The following PSMA2 variants were observed in gnomAD, a reference collection of about 807,000 sequenced individuals.
The protein encoded by PSMA2 is proteasome subunit alpha type-2.
A neutral mutation model predicts 35.9 loss-of-function variants in PSMA2; 2 were observed. That is an observed-to-expected ratio of 0.06 (90% CI 0.02 to 0.18). The LOEUF (loss-of-function observed/expected upper bound fraction) is 0.18. PSMA2 is among the 10% of genes least tolerant of loss of function. PSMA2 has a pLI of 1.00. For missense variants in PSMA2, 126 were observed against 278.8 expected (o/e 0.45, Z 3.90); for synonymous variants, 97 against 98.2 (o/e 0.99, Z 0.07).
chr7:42,920,528 T>C (rs1029323642), intron 6 of PSMA2: 2 of 152,350 alleles, frequency 1.3e-5, no homozygotes, highest in African/African-American at 4.8e-5. Context: ...TGGTTTAATT[T>C]CTTTCATTGT....
intron 1 of PSMA2, among the ~76,000 whole-genome samples, chr7:42,930,233 ACACAC>A (rs1226201396): frequency 6.7e-6 from 1 of 149,000 alleles, no homozygotes; most frequent in African/African-American, 2.5e-5. Flanking sequence ...ACGCACACAC[ACACAC>A]ACACACACAC....
chr7:42,930,154 C>T (rs952983626), intron 1 of PSMA2, among the ~76,000 whole-genome samples: 2 of 151,948 alleles, frequency 1.3e-5, no homozygotes, highest in Admixed American at 1.3e-4. Flanking sequence ...TTATGAGAGG[C>T]TAGAAACAAA....
At position 42,917,746 on chromosome 7, in the gene PSMA2, T is replaced by G. The variant is rs754942583; in HGVS notation, c.588+32A>C. On this transcript the variant is annotated intron_variant, in intron 7 of 7. Transcript: ENST00000223321. The stretch of plus-strand genomic sequence containing the variant: ...TTCTAAGCAGTTAATCATGAAATCA[T>G]TATAAATCCAGTTGTTGAATACTGA... 1.9e-6 allele frequency: 3 copies of G among 1,610,622 alleles called. No homozygotes were observed. In the Admixed American group the frequency reaches 5.0e-5, roughly 27 times the overall value.
chr7:42,929,592 G>C (rs1272085058), intron 1 of PSMA2, among the ~76,000 whole-genome samples: 4 of 152,044 alleles, frequency 2.6e-5, no homozygotes, highest in African/African-American at 9.7e-5. Context: ...TGGGATAACT[G>C]AAATAGCCTT....
At chr7:42,924,899 G>T in intron 3 of PSMA2, 102 bp from the exon 4 acceptor site, 1 of 1,146,736 alleles carries the variant, frequency 8.7e-7, no homozygotes, top group Non-Finnish European at 1.2e-6. Flanking sequence ...AGTTTAACAT[G>T]TATCTCTTTA....
chr7:42,924,587 G>A (rs1012634200), intron 4 of PSMA2, 88 bp downstream of exon 4: 13 of 1,300,358 alleles, frequency 1.0e-5, no homozygotes, highest in Non-Finnish European at 1.3e-5. Context: ...TACAGAAATG[G>A]TAAGTCCCAC....
intron 6 of PSMA2, chr7:42,918,057 A>G: frequency 3.5e-6 from 1 of 284,554 alleles, no homozygotes; most frequent in Admixed American, 5.9e-5. Flanking sequence ...CCCTAAAATG[A>G]GTTTAGTTTA....
rs1321952327 is a variant in PSMA2 at position 42,917,450 on chromosome 7, T to G, written c.*124A>C. ...TTATTAGGATTTATAAGTGTCATTT[T>G]AAAAACAGTCGATTTAAACCATGTA... On this transcript the variant is annotated 3_prime_UTR_variant, in exon 8 of 8. Transcript: ENST00000223321. 2.7e-6 allele frequency: 2 copies of G among 731,466 alleles called. No individual in the cohort carries two copies. The highest frequency in any genetic ancestry group is 4.5e-6 in the Non-Finnish European group (2 of 444,292). 45.3% of individuals were successfully genotyped at this position (731,466 alleles called of 1,614,324 possible).
At chr7:42,920,127 A>T in intron 6 of PSMA2, 1 of 432,258 alleles carries the variant, frequency 2.3e-6, no homozygotes, top group Non-Finnish European at 4.3e-6. Context: ...ATACAACTGG[A>T]CTAGAACGAG....
chr7:42,927,205 A>G (rs1381344681), intron 2 of PSMA2, among the ~76,000 whole-genome samples, 178 bp downstream of exon 2: 2 of 152,222 alleles, frequency 1.3e-5, no homozygotes, highest in African/African-American at 4.8e-5. Flanking sequence ...ATTTACTTTG[A>G]AAAGAAATTT....
At chr7:42,931,428 C>G (rs770190133) in intron 1 of PSMA2, among the ~76,000 whole-genome samples, 87 of 152,314 alleles carry the variant, frequency 5.7e-4, no homozygotes, top group African/African-American at 1.7e-3. Flanking sequence ...ATTCTAATCC[C>G]CTTTTCTACA....
At chr7:42,930,268 A>C (rs1469905180) in intron 1 of PSMA2, among the ~76,000 whole-genome samples, 1 of 151,954 alleles carries the variant, frequency 6.6e-6, no homozygotes, top group Non-Finnish European at 1.5e-5. Context: ...TTTTTTAAAA[A>C]AAACTTTTAG....
Position 42,924,812 on chromosome 7 carries a change from A to G in PSMA2, c.252-15T>C, listed in dbSNP as rs764643823. 5 of 1,602,830 alleles carry G rather than the reference A, an allele frequency of 3.1e-6. No individual in the cohort carries two copies. The highest frequency in any genetic ancestry group is 1.7e-4 in the Middle Eastern group (1 of 6,002). The stretch of plus-strand genomic sequence containing the variant: ...GCACAAGCACTCTAACAAGGAAAAA[A>G]TAAGATTTAATTACACAGAACATGC... On this transcript the variant is annotated splice_polypyrimidine_tract_variant and intron_variant, in intron 3 of 7. Transcript: ENST00000223321.
intron 1 of PSMA2, among the ~76,000 whole-genome samples, chr7:42,931,629 G>T (rs1786314353): frequency 6.6e-6 from 1 of 152,124 alleles, no homozygotes; most frequent in African/African-American, 2.4e-5. Context: ...GGGAGGTTTT[G>T]AAAGACACTA....
rs910648761 is a variant in PSMA2, at chr7:42,924,659, A to G, written c.374+16T>C. ...CTACAATTCATGGCACATTTCAAGTAAAAAAAGCAACTTACCCTGACTGAG... is the reference window on the plus strand; with the variant it reads ...CTACAATTCATGGCACATTTCAAGTGAAAAAAGCAACTTACCCTGACTGAG... On this transcript the variant is annotated intron_variant, in intron 4 of 7. Transcript: ENST00000223321. 2 of 1,599,772 alleles carry G rather than the reference A, an allele frequency of 1.3e-6. No individual in the cohort carries two copies. The highest frequency in any genetic ancestry group is 2.7e-5 in the African/African-American group (2 of 74,286).
chr7:42,922,464 T>C (rs1583606490), intron 5 of PSMA2, among the ~76,000 whole-genome samples: 1 of 152,038 alleles, frequency 6.6e-6, no homozygotes, highest in South Asian at 2.1e-4. Context: ...ATGAAAACAA[T>C]TGTTTTTTAG....
At chr7:42,930,235 A>G (rs950871845) in intron 1 of PSMA2, among the ~76,000 whole-genome samples, 4 of 151,474 alleles carry the variant, frequency 2.6e-5, no homozygotes, top group African/African-American at 9.7e-5. Flanking sequence ...GCACACACAC[A>G]CACACACACA....
rs755929991 is a variant in PSMA2 at position 42,932,104 on chromosome 7, G to A, written c.41+14C>T. 15 of 1,613,956 alleles carry A rather than the reference G, an allele frequency of 9.3e-6. No individual in the cohort carries two copies. The highest frequency in any genetic ancestry group is 4.4e-5 in the South Asian group (4 of 91,078). ...CCTCGACTACGCTGAAGACCTCGAGGGCCCCTTCCATACCTGAATGTAGTC... is the reference window on the plus strand; with the variant it reads ...CCTCGACTACGCTGAAGACCTCGAGAGCCCCTTCCATACCTGAATGTAGTC... On this transcript the variant is annotated intron_variant, in intron 1 of 7. Transcript: ENST00000223321.
rs752162856 is a variant in PSMA2 at position 42,924,817 on chromosome 7, A to T, written c.252-20T>A. ...AGCACTCTAACAAGGAAAAAATAAG[A>T]TTTAATTACACAGAACATGCTCTAC... On this transcript the variant is annotated intron_variant, in intron 3 of 7. Coordinates refer to ENST00000223321, the MANE Select transcript of PSMA2 (RefSeq NM_002787.5). 6.2e-7 allele frequency: 1 copy of T among 1,600,580 alleles called. No homozygotes were observed. The highest frequency in any genetic ancestry group is 1.7e-5 in the Admixed American group (1 of 59,036).
Sources: gnomAD v4.1 joint callset for allele counts (sites outside exome capture counted in the v4.1 genomes callset) on GRCh38, gnomAD v4.1.1 for gene constraint, MANE v1.5 for transcripts, NCBI Gene and HGNC (gene_info 2026-07-23, HGNC 2026-07-21) for gene names.